Variants in IL1RAPL2 observed in about 807,000 individuals in gnomAD.
IL1RAPL2 encodes the protein X-linked interleukin-1 receptor accessory protein-like 2.
IL1RAPL2 carries 3 observed loss-of-function variants against 44.1 expected under a neutral mutation model. The ratio of observed to expected loss-of-function variants is 0.07; its 90% CI spans 0.03 to 0.18. The LOEUF is 0.18. IL1RAPL2 is among the 10% of genes least tolerant of loss of function. The pLI is 1.00. For synonymous variants in IL1RAPL2, 181 were observed against 178.8 expected (o/e 1.01, Z -0.10); for missense variants, 391 against 496.4 (o/e 0.79, Z 2.02).
At chrX:105,083,930 C>T (rs1052384323) in intron 2 of IL1RAPL2, among the ~76,000 whole-genome samples, 3 of 111,953 alleles carry the variant, frequency 2.7e-5, no homozygotes, top group African/African-American at 9.7e-5. Flanking sequence ...AACCAGCTAG[C>T]ATCATAAAGA....
chrX:104,974,737 T>C (rs2030299779), intron 2 of IL1RAPL2, among the ~76,000 whole-genome samples: 1 of 112,339 alleles, frequency 8.9e-6, no homozygotes, highest in Non-Finnish European at 1.9e-5. Context: ...TGTCTGCCAC[T>C]GTGGGAAGCT....
intron 2 of IL1RAPL2, among the ~76,000 whole-genome samples, chrX:104,950,975 G>A (rs1925566030): frequency 9.0e-6 from 1 of 111,111 alleles, no homozygotes; most frequent in Admixed American, 9.5e-5. Flanking sequence ...CTTTGACTAG[G>A]AAAGGGAACT....
At chrX:105,655,686 T>A (rs188285758) in intron 6 of IL1RAPL2, among the ~76,000 whole-genome samples, 2 of 112,433 alleles carry the variant, frequency 1.8e-5, no homozygotes, top group South Asian at 3.7e-4. Flanking sequence ...ACTCTTCATT[T>A]TGGTTTTCAG....
At chrX:105,545,366 G>T (rs2036785391) in intron 6 of IL1RAPL2, among the ~76,000 whole-genome samples, 1 of 112,033 alleles carries the variant, frequency 8.9e-6, no homozygotes, top group Non-Finnish European at 1.9e-5. Context: ...TGAAATGCAG[G>T]TCCAGATGCT....
intron 6 of IL1RAPL2, among the ~76,000 whole-genome samples, chrX:105,653,646 A>G (rs1259413036): frequency 1.8e-5 from 2 of 110,137 alleles, no homozygotes; most frequent in South Asian, 3.9e-4. Context: ...ACAATTTTAA[A>G]CCCTAGGAAA....
chrX:104,976,900 C>CT (rs1164710858), intron 2 of IL1RAPL2, among the ~76,000 whole-genome samples: 2 of 7,316 alleles, frequency 2.7e-4, no homozygotes, highest in Non-Finnish European at 6.2e-4. Context: ...GGAGCCAAAG[C>CT]CAAAAAAAAA....
At chrX:105,531,811 A>C (rs942415116) in intron 6 of IL1RAPL2, among the ~76,000 whole-genome samples, 1 of 111,841 alleles carries the variant, frequency 8.9e-6, no homozygotes, top group African/African-American at 3.3e-5. Context: ...TATTGAAGAC[A>C]CTGGCTTTTC....
chrX:104,695,888 A>G (rs756247442), intron 2 of IL1RAPL2, among the ~76,000 whole-genome samples: 1 of 111,206 alleles, frequency 9.0e-6, no homozygotes, highest in Non-Finnish European at 1.9e-5. Flanking sequence ...GATTACTGCA[A>G]CCACTGTCTC....
chrX:105,342,558 G>C (rs1034317797), intron 5 of IL1RAPL2, among the ~76,000 whole-genome samples: 1 of 111,579 alleles, frequency 9.0e-6, no homozygotes, highest in Non-Finnish European at 1.9e-5. Flanking sequence ...ATGGAAGATC[G>C]CTAGATAGCT....
intron 2 of IL1RAPL2, among the ~76,000 whole-genome samples, chrX:105,043,451 T>C (rs901553950): frequency 9.2e-6 from 1 of 108,800 alleles, no homozygotes; most frequent in African/African-American, 3.4e-5. Context: ...GCAGCCAGTC[T>C]CCAACCCCCA....
chrX:105,598,511 A>T (rs2037228287), intron 6 of IL1RAPL2, among the ~76,000 whole-genome samples: 1 of 111,782 alleles, frequency 8.9e-6, no homozygotes, highest in African/African-American at 3.2e-5. Flanking sequence ...GTTAACCTGT[A>T]CCAAGCATTT....
At chrX:105,697,755 C>T (rs1014397296) in intron 6 of IL1RAPL2, among the ~76,000 whole-genome samples, 3 of 111,538 alleles carry the variant, frequency 2.7e-5, no homozygotes, top group South Asian at 3.7e-4. Flanking sequence ...ATATATACAC[C>T]ACTGGCATGT....
chrX:105,268,749 C>T (rs1267481490), intron 5 of IL1RAPL2, among the ~76,000 whole-genome samples: 1 of 111,214 alleles, frequency 9.0e-6, no homozygotes, highest in Non-Finnish European at 1.9e-5. Context: ...GCCTAGGCAA[C>T]AGAGCAAGAC....
At chrX:105,128,190 G>C (rs1272641136) in intron 2 of IL1RAPL2, among the ~76,000 whole-genome samples, 1 of 110,413 alleles carries the variant, frequency 9.1e-6, no homozygotes, top group African/African-American at 3.3e-5. Flanking sequence ...TTCCTGCCAG[G>C]TTTTGCTGAA....
At chrX:104,696,338 T>C (rs934649928) in intron 2 of IL1RAPL2, among the ~76,000 whole-genome samples, 1 of 112,064 alleles carries the variant, frequency 8.9e-6, no homozygotes, top group Non-Finnish European at 1.9e-5. Flanking sequence ...TGTAAGGTAT[T>C]GTTTTGTTAC....
At chrX:105,371,839 A>G (rs2147717881) in intron 5 of IL1RAPL2, among the ~76,000 whole-genome samples, 1 of 111,795 alleles carries the variant, frequency 8.9e-6, no homozygotes, top group South Asian at 3.8e-4. Flanking sequence ...ACCAGTGATG[A>G]AGATTCAAGT....
chrX:104,585,190 CAT>C (rs1396174784), intron 1 of IL1RAPL2, among the ~76,000 whole-genome samples: 1 of 61,043 alleles, frequency 1.6e-5, no homozygotes, highest in Non-Finnish European at 2.7e-5. Context: ...CACATACACA[CAT>C]GTATATGTAT....
At position 105,518,400 on chromosome X, in the gene IL1RAPL2, A is replaced by G. The variant is rs188568100; in HGVS notation, c.772+34013A>G. Among the ~76,000 whole-genome samples the G allele has an allele frequency of 1.4e-3, 157 of 111,556 alleles. 1 individual carries two copies. The highest frequency in any genetic ancestry group is 2.5e-3 in the Non-Finnish European group (135 of 53,039). On this transcript the variant is annotated intron_variant, in intron 6 of 10. Transcript: ENST00000372582. ...AGCAACATTTAAAAGAGCTCCACAA[A>G]TGAGAAGGCATTCAATCATCAGTCC...
At chrX:105,624,699 C>T (rs762935057) in intron 6 of IL1RAPL2, among the ~76,000 whole-genome samples, 3 of 111,349 alleles carry the variant, frequency 2.7e-5, no homozygotes, top group South Asian at 3.7e-4. Context: ...CTGCCAGTAA[C>T]GATAACATCA....
Sources: gnomAD v4.1 joint callset for allele counts (sites outside exome capture counted in the v4.1 genomes callset) on GRCh38, gnomAD v4.1.1 for gene constraint, MANE v1.5 for transcripts, NCBI Gene and HGNC (gene_info 2026-07-23, HGNC 2026-07-21) for gene names.